The following CCDC88C variants were observed in gnomAD, a reference collection of about 807,000 sequenced individuals.
The protein encoded by CCDC88C is protein Daple.
In CCDC88C, 131 loss-of-function variants were observed where a neutral mutation model predicts 198.8. That is an observed-to-expected ratio of 0.66 (90% CI 0.57 to 0.76). CCDC88C has a LOEUF of 0.76. Among genes scored for constraint, CCDC88C ranks in the 30% least tolerant of loss-of-function variants. The probability of loss-of-function intolerance (pLI) is 0.00; values close to 1 mark genes in which losing one functional copy is unlikely to be tolerated. For missense variants in CCDC88C, 2,553 were observed against 2,631.6 expected, an observed-to-expected ratio of 0.97 and a Z score of 0.65; for synonymous variants, 1,166 against 1,114.7, an observed-to-expected ratio of 1.05 and a Z score of -0.92.
intron 21 of CCDC88C, among the ~76,000 whole-genome samples, chr14:91,297,941 C>G (rs1047854125): frequency 1.3e-5 from 2 of 152,176 alleles, no homozygotes; most frequent in Non-Finnish European, 2.9e-5. Context: ...TTCCAAGCCC[C>G]TTTCTAATTT....
intron 3 of CCDC88C, among the ~76,000 whole-genome samples, chr14:91,399,576 G>A (rs1272137944): frequency 6.6e-6 from 1 of 152,208 alleles, no homozygotes; most frequent in Admixed American, 6.5e-5. Flanking sequence ...AGTGGCTCAC[G>A]CCTGTAATCC....
intron 21 of CCDC88C, among the ~76,000 whole-genome samples, chr14:91,299,373 T>A (rs757955578): frequency 6.6e-6 from 1 of 152,194 alleles, no homozygotes; most frequent in Non-Finnish European, 1.5e-5. Context: ...AACCGTGGCA[T>A]TGAAGAGATT....
intron 25 of CCDC88C, chr14:91,285,642 A>G (rs76612086): frequency 0.064 from 81,486 of 1,283,224 alleles, 2,803 homozygotes; most frequent in Middle Eastern, 0.076. Flanking sequence ...GAGGGTACAC[A>G]ATACAGACAC....
At chr14:91,331,700 T>C (rs1379941839) in intron 10 of CCDC88C, among the ~76,000 whole-genome samples, 2 of 152,208 alleles carry the variant, frequency 1.3e-5, no homozygotes, top group East Asian at 1.9e-4. Flanking sequence ...GGCAGCTCCC[T>C]GTTGGGGAGG....
In CCDC88C at chr14:91,374,540, G is replaced by A. The variant is rs575630626; in HGVS notation, c.271-14829C>T. Among the ~76,000 whole-genome samples, 3 of 152,344 alleles carry A rather than the reference G, an allele frequency of 2.0e-5. No homozygotes were observed. In the East Asian group the frequency reaches 5.8e-4, roughly 29 times the overall value. ...GAATCGTCAGCTGAACAAAATGCGAGTGTAGGGAGGGTGTGAGCCAGGTGG... is the reference window on the plus strand; with the variant it reads ...GAATCGTCAGCTGAACAAAATGCGAATGTAGGGAGGGTGTGAGCCAGGTGG... On this transcript the variant is annotated intron_variant, in intron 3 of 29. Coordinates refer to ENST00000389857, the MANE Select transcript of CCDC88C (RefSeq NM_001080414.4).
intron 23 of CCDC88C, among the ~76,000 whole-genome samples, chr14:91,293,325 C>T (rs1234823759): frequency 6.7e-6 from 1 of 148,164 alleles, no homozygotes; most frequent in Non-Finnish European, 1.5e-5. Context: ...CCCATCCTCA[C>T]CTGCCAAAGC....
chr14:91,351,366 A>G (rs1893784002), intron 4 of CCDC88C, among the ~76,000 whole-genome samples: 1 of 151,496 alleles, frequency 6.6e-6, no homozygotes, highest in African/African-American at 2.4e-5. Context: ...ACACCCCAAC[A>G]CTCACTCACA....
intron 28 of CCDC88C, among the ~76,000 whole-genome samples, chr14:91,278,883 A>C (rs1890077962): frequency 7.1e-6 from 1 of 141,362 alleles, no homozygotes; most frequent in African/African-American, 2.7e-5. Flanking sequence ...CAAACCACCA[A>C]ATACACTTTT....
rs530046087 is a variant in CCDC88C at position 91,335,790 on chromosome 14, G to T, written c.1050+2215C>A. 6.6e-5 allele frequency among the ~76,000 whole-genome samples: 10 copies of T among 152,330 alleles called. No homozygotes were observed. The South Asian group carries it at 2.1e-3, about 32-fold the overall frequency. ...GGGAGGGAATCCCAAATTGTTCTAA[G>T]CATCCTATGAGGACTGAAGACGGTT... On this transcript the variant is annotated intron_variant, in intron 10 of 29. Coordinates refer to ENST00000389857, the MANE Select transcript of CCDC88C (RefSeq NM_001080414.4).
intron 4 of CCDC88C, among the ~76,000 whole-genome samples, chr14:91,357,472 TGCATTTGTAAC>T (rs1412463960): frequency 1.3e-5 from 2 of 152,244 alleles, no homozygotes; most frequent in East Asian, 3.8e-4. Flanking sequence ...GGTCTTTCAT[TGCATTTGTAAC>T]GCACGTTCAG....
At chr14:91,376,632 G>C (rs1410273533) in intron 3 of CCDC88C, among the ~76,000 whole-genome samples, 5 of 152,214 alleles carry the variant, frequency 3.3e-5, no homozygotes, top group African/African-American at 1.2e-4. Context: ...GGCATCCTGA[G>C]AGCCACCTGG....
At chr14:91,292,250 C>A (rs1196205337) in intron 23 of CCDC88C, among the ~76,000 whole-genome samples, 1 of 152,184 alleles carries the variant, frequency 6.6e-6, no homozygotes, top group East Asian at 1.9e-4. Context: ...GCCTTGAGTG[C>A]TTCATGGCTG....
At chr14:91,376,729 TG>T (rs928474904) in intron 3 of CCDC88C, among the ~76,000 whole-genome samples, 2 of 152,142 alleles carry the variant, frequency 1.3e-5, no homozygotes, top group South Asian at 2.1e-4. Context: ...TGCCCTCCCA[TG>T]GGGGCCACGC....
At chr14:91,290,520 A>G (rs1007487090) in intron 24 of CCDC88C, among the ~76,000 whole-genome samples, 1 of 152,214 alleles carries the variant, frequency 6.6e-6, no homozygotes, top group Admixed American at 6.5e-5. Flanking sequence ...GGGAAGAGAC[A>G]TGTCCATGAA....
chr14:91,334,757 T>G (rs771426350), intron 10 of CCDC88C, among the ~76,000 whole-genome samples: 2 of 152,192 alleles, frequency 1.3e-5, no homozygotes, highest in Non-Finnish European at 2.9e-5. Flanking sequence ...GGCCTTGACA[T>G]GAAGCCCACT....
At chr14:91,287,146 A>G (rs1320964209) in intron 25 of CCDC88C, among the ~76,000 whole-genome samples, 1 of 152,234 alleles carries the variant, frequency 6.6e-6, no homozygotes, top group East Asian at 1.9e-4. Context: ...ACAAGTTGAG[A>G]TGACAAATGT....
chr14:91,382,333 A>G (rs1222341305), intron 3 of CCDC88C, among the ~76,000 whole-genome samples: 2 of 152,204 alleles, frequency 1.3e-5, no homozygotes, highest in African/African-American at 4.8e-5. Flanking sequence ...TCCCTGGACC[A>G]GGTGGTTTCC....
chr14:91,416,776 T>TA lies in CCDC88C; in HGVS notation c.122dup (p.Leu41PhefsTer25). ...TTTGGTTCAAAAAGATGCCGTCCAC[T>TA]AAATCCATGTACATAGTCAGGTTGT... On this transcript the variant is annotated frameshift_variant, in exon 2 of 30. Coordinates refer to ENST00000389857, the MANE Select transcript of CCDC88C (RefSeq NM_001080414.4). LOFTEE classifies it high-confidence loss of function. 6.2e-7 allele frequency: 1 copy of TA among 1,613,670 alleles called. No individual in the cohort carries two copies. The highest frequency in any genetic ancestry group is 8.5e-7 in the Non-Finnish European group (1 of 1,179,782).
intron 25 of CCDC88C, among the ~76,000 whole-genome samples, chr14:91,286,744 G>A (rs1890424752): frequency 6.6e-6 from 1 of 152,238 alleles, no homozygotes; most frequent in African/African-American, 2.4e-5. Context: ...GGGACCCAGA[G>A]AGCTTTAACT....
Sources: allele counts gnomAD v4.1 joint callset (sites outside exome capture counted in the v4.1 genomes callset), GRCh38; gene constraint gnomAD v4.1.1; transcripts MANE v1.5; gene names NCBI Gene and HGNC (gene_info 2026-07-23, HGNC 2026-07-21).